Variants in FRMPD4 observed in about 807,000 individuals in gnomAD.
FRMPD4 encodes the protein FERM and PDZ domain containing 4.
Under a neutral mutation model 94.1 loss-of-function variants are expected in FRMPD4, and 22 were observed. The observed-to-expected ratio is 0.23, with a 90% CI of 0.17 to 0.33. FRMPD4 has a LOEUF of 0.33. FRMPD4 is among the 10% of genes least tolerant of loss of function. The probability of loss-of-function intolerance (pLI) is 1.00; values close to 1 mark genes in which losing one functional copy is unlikely to be tolerated. For synonymous variants in FRMPD4, 631 were observed against 548.6 expected, an observed-to-expected ratio of 1.15 and a Z score of -2.10; for missense variants, 1,111 against 1,339.9, an observed-to-expected ratio of 0.83 and a Z score of 2.67.
At chrX:12,666,257 C>G (rs968620367) in intron 4 of FRMPD4, among the ~76,000 whole-genome samples, 11 of 111,687 alleles carry the variant, frequency 9.8e-5, no homozygotes, top group South Asian at 3.8e-4. Context: ...GCACCCAATA[C>G]AGGAGCACCC....
chrX:12,354,982 G>T (rs2055872794), intron 1 of FRMPD4, among the ~76,000 whole-genome samples: 1 of 111,797 alleles, frequency 8.9e-6, no homozygotes. Flanking sequence ...TCTAAGTTTG[G>T]TTTTTCCTTG....
At chrX:12,200,256 C>A (rs1207687128) in intron 1 of FRMPD4, among the ~76,000 whole-genome samples, 2 of 111,552 alleles carry the variant, frequency 1.8e-5, no homozygotes, top group African/African-American at 3.3e-5. Flanking sequence ...AACTAATTTC[C>A]TCCCAAAGTT....
intron 3 of FRMPD4, among the ~76,000 whole-genome samples, chrX:12,113,787 A>C (rs753663858): frequency 2.7e-5 from 3 of 112,208 alleles, no homozygotes; most frequent in African/African-American, 9.7e-5. Context: ...ACCACAATGC[A>C]TTCCTCTTTG....
At chrX:12,200,268 G>T (rs1204444397) in intron 1 of FRMPD4, among the ~76,000 whole-genome samples, 1 of 111,556 alleles carries the variant, frequency 9.0e-6, no homozygotes, top group Non-Finnish European at 1.9e-5. Context: ...CCCAAAGTTA[G>T]TTCAGCCTAT....
At chrX:12,449,928 G>A (rs1482199693) in intron 1 of FRMPD4, among the ~76,000 whole-genome samples, 2 of 109,963 alleles carry the variant, frequency 1.8e-5, no homozygotes, top group African/African-American at 3.3e-5. Flanking sequence ...GGTGGAGGCT[G>A]CAGTGAGCCA....
intron 3 of FRMPD4, among the ~76,000 whole-genome samples, chrX:11,964,212 T>G (rs2054298411): frequency 9.2e-6 from 1 of 109,234 alleles, no homozygotes; most frequent in Non-Finnish European, 1.9e-5. Flanking sequence ...CAGGTAGGAG[T>G]GTGGTGGCGC....
intron 1 of FRMPD4, among the ~76,000 whole-genome samples, chrX:12,309,360 A>C (rs2054994982): frequency 8.9e-6 from 1 of 112,081 alleles, no homozygotes; most frequent in East Asian, 2.8e-4. Flanking sequence ...TAGTGATTAA[A>C]AAAAATAAAA....
chrX:11,973,729 A>G (rs2054352858), intron 3 of FRMPD4, among the ~76,000 whole-genome samples: 1 of 111,844 alleles, frequency 8.9e-6, no homozygotes, highest in Non-Finnish European at 1.9e-5. Context: ...ACCATTTATT[A>G]GGAGGGCAAT....
chrX:12,369,564 A>G (rs1440117037), intron 1 of FRMPD4, among the ~76,000 whole-genome samples: 1 of 112,652 alleles, frequency 8.9e-6, no homozygotes, highest in African/African-American at 3.2e-5. Context: ...AGGTCTATAT[A>G]AAATACCAAG....
chrX:12,044,781 A>G (rs1433590340), intron 3 of FRMPD4, among the ~76,000 whole-genome samples: 3 of 112,460 alleles, frequency 2.7e-5, no homozygotes, highest in African/African-American at 9.7e-5. Flanking sequence ...CTCATGTATC[A>G]TAGGCTCTCT....
intron 1 of FRMPD4, among the ~76,000 whole-genome samples, chrX:12,143,815 A>G (rs750879424): frequency 8.9e-6 from 1 of 112,541 alleles, no homozygotes; most frequent in Admixed American, 9.4e-5. Context: ...GAAACTTCTG[A>G]TCTCAAATTA....
chrX:12,464,503 G>A (rs2057428594), intron 1 of FRMPD4, among the ~76,000 whole-genome samples: 2 of 112,173 alleles, frequency 1.8e-5, no homozygotes, highest in Middle Eastern at 4.6e-3. Flanking sequence ...AGTTTTGAAA[G>A]TTTGGATGCA....
At chrX:12,295,494 G>T (rs780604951) in intron 1 of FRMPD4, among the ~76,000 whole-genome samples, 2 of 112,026 alleles carry the variant, frequency 1.8e-5, no homozygotes, top group African/African-American at 6.5e-5. Context: ...CATAACCTCT[G>T]TAAGGTACTT....
At chrX:11,854,933 C>A (rs189778084) in intron 1 of FRMPD4, among the ~76,000 whole-genome samples, 3 of 112,054 alleles carry the variant, frequency 2.7e-5, no homozygotes, top group African/African-American at 9.7e-5. Flanking sequence ...GGGCTCTGAC[C>A]CCACACTTCC....
Position 12,503,616 on chromosome X carries a change from A to ACCC in FRMPD4, c.158+4820_158+4821insCCC, listed in dbSNP as rs199770159. 3.9e-3 allele frequency among the ~76,000 whole-genome samples: 440 copies of ACCC among 112,034 alleles called. 4 individuals carry two copies. Among genetic ancestry groups the ACCC allele is most frequent in the African/African-American group, 0.012 (374 of 30,870 alleles). On this transcript the variant is annotated intron_variant, in intron 2 of 16. Coordinates refer to ENST00000675598, the MANE Select transcript of FRMPD4 (RefSeq NM_001368397.1). ...TTGGCTTATCTATCTATAGAAAATA[A>ACCC]TAATCTGAATAAATACAAGTAATTT...
chrX:11,862,123 C>T (rs1441802858), intron 1 of FRMPD4, among the ~76,000 whole-genome samples: 1 of 111,440 alleles, frequency 9.0e-6, no homozygotes, highest in East Asian at 2.8e-4. Context: ...TGATCCAATC[C>T]ACCTCCCACC....
chrX:11,991,412 T>C (rs5933947), intron 3 of FRMPD4, among the ~76,000 whole-genome samples: 9,809 of 111,783 alleles, frequency 0.088, 359 homozygotes, highest in East Asian at 0.24. Flanking sequence ...CAAGCTCTTA[T>C]CGTTGCCTAT....
intron 1 of FRMPD4, among the ~76,000 whole-genome samples, chrX:12,443,776 C>T (rs777001733): frequency 9.0e-6 from 1 of 111,627 alleles, no homozygotes; most frequent in Non-Finnish European, 1.9e-5. Flanking sequence ...AAATGTGGGA[C>T]GCAGATGTTT....
intron 3 of FRMPD4, among the ~76,000 whole-genome samples, chrX:12,053,052 T>G (rs187819441): frequency 3.5e-4 from 39 of 110,778 alleles, no homozygotes; most frequent in Non-Finnish European, 5.9e-4. Flanking sequence ...AAAATTGAAT[T>G]TAAGGTCAGA....
Sources: gnomAD v4.1 joint callset for allele counts (sites outside exome capture counted in the v4.1 genomes callset) on GRCh38, gnomAD v4.1.1 for gene constraint, MANE v1.5 for transcripts, NCBI Gene and HGNC (gene_info 2026-07-23, HGNC 2026-07-21) for gene names.